The following SLC2A13 variants were observed in gnomAD, a reference collection of about 807,000 sequenced individuals.
SLC2A13 encodes proton myo-inositol cotransporter.
SLC2A13 carries 32 observed loss-of-function variants against 64.4 expected under a neutral mutation model. The observed-to-expected ratio is 0.50, with a 90% confidence interval of 0.37 to 0.67. The LOEUF is 0.67. SLC2A13 is among the 30% of genes least tolerant of loss of function. SLC2A13 has a pLI of 0.00. For synonymous variants in SLC2A13, 338 were observed against 327.1 expected (o/e 1.03, Z -0.36); for missense variants, 743 against 829.2 (o/e 0.90, Z 1.28).
chr12:39,894,811 C>T (rs1944698796), intron 4 of SLC2A13, among the ~76,000 whole-genome samples: 1 of 149,994 alleles, frequency 6.7e-6, no homozygotes, highest in African/African-American at 2.5e-5. Context: ...CAGGGAGATG[C>T]AAGAAAGATA....
At chr12:39,974,036 C>G (rs1946718804) in intron 3 of SLC2A13, among the ~76,000 whole-genome samples, 1 of 152,218 alleles carries the variant, frequency 6.6e-6, no homozygotes, top group South Asian at 2.1e-4. Context: ...TGTAAGAGTT[C>G]TACCCTACCA....
chr12:39,952,131 C>A (rs566182272), intron 3 of SLC2A13, among the ~76,000 whole-genome samples: 11 of 152,240 alleles, frequency 7.2e-5, no homozygotes, highest in African/African-American at 2.6e-4. Flanking sequence ...TAAATCTGAA[C>A]CACTGAGTCC....
intron 7 of SLC2A13, among the ~76,000 whole-genome samples, chr12:39,767,672 C>T (rs1396763609): frequency 1.3e-5 from 2 of 152,070 alleles, no homozygotes; most frequent in Non-Finnish European, 2.9e-5. Flanking sequence ...GCTGTGTCTT[C>T]ACCCAAATCT....
chr12:39,966,951 GC>G (rs1946528716), intron 3 of SLC2A13, among the ~76,000 whole-genome samples: 1 of 152,034 alleles, frequency 6.6e-6, no homozygotes, highest in Non-Finnish European at 1.5e-5. Flanking sequence ...GATAAATATG[GC>G]TCTCTAGGGA....
intron 3 of SLC2A13, among the ~76,000 whole-genome samples, chr12:40,006,142 A>T (rs1591999565): frequency 1.3e-5 from 2 of 152,352 alleles, no homozygotes; most frequent in East Asian, 3.8e-4. Flanking sequence ...GCAAAATACA[A>T]AATTGAAATT....
At chr12:39,918,843 CT>C (rs1238915875) in intron 4 of SLC2A13, among the ~76,000 whole-genome samples, 1 of 112,258 alleles carries the variant, frequency 8.9e-6, no homozygotes, top group Non-Finnish European at 1.8e-5. Flanking sequence ...CAGAGTGAGA[CT>C]CTGTCTCAAA....
chr12:40,067,955 GCA>G (rs1422286101), intron 1 of SLC2A13, among the ~76,000 whole-genome samples: 1 of 152,070 alleles, frequency 6.6e-6, no homozygotes, highest in Admixed American at 6.6e-5. Context: ...CGAGGCTGGT[GCA>G]CACTGATGCA....
At chr12:39,766,036 A>G (rs1566761763) in intron 7 of SLC2A13, among the ~76,000 whole-genome samples, 3 of 152,018 alleles carry the variant, frequency 2.0e-5, no homozygotes, top group Non-Finnish European at 2.9e-5. Flanking sequence ...TTAATCTCCA[A>G]CACTACAGAG....
intron 1 of SLC2A13, among the ~76,000 whole-genome samples, chr12:40,101,847 C>T (rs1408534144): frequency 1.3e-5 from 2 of 151,570 alleles, no homozygotes; most frequent in African/African-American, 4.9e-5. Flanking sequence ...TTAATCCTGT[C>T]TCTGTAATCA....
chr12:39,766,041 A>G lies in SLC2A13; in HGVS notation c.1446-1183T>C, dbSNP rs574079075. 3.3e-5 allele frequency among the ~76,000 whole-genome samples: 5 copies of G among 152,178 alleles called. No individual in the cohort carries two copies. The East Asian group carries it at 9.7e-4, about 30-fold the overall frequency. On this transcript the variant is annotated intron_variant, in intron 7 of 9. Transcript: ENST00000280871. ...AGTTCCTTATTTAATCTCCAACACT[A>G]CAGAGACAGCACTTTATAGTTTCCT...
At chr12:39,925,827 A>G (rs1945718723) in intron 4 of SLC2A13, among the ~76,000 whole-genome samples, 1 of 152,294 alleles carries the variant, frequency 6.6e-6, no homozygotes, top group Admixed American at 6.5e-5. Context: ...TTTTCAGCAA[A>G]TCCAATTAAT....
intron 3 of SLC2A13, among the ~76,000 whole-genome samples, chr12:39,966,428 C>T (rs1235959556): frequency 6.6e-6 from 1 of 151,996 alleles, no homozygotes; most frequent in Non-Finnish European, 1.5e-5. Flanking sequence ...CAGACACATG[C>T]CCACAAAGCT....
At chr12:39,850,700 A>T (rs1943443857) in intron 6 of SLC2A13, among the ~76,000 whole-genome samples, 1 of 152,210 alleles carries the variant, frequency 6.6e-6, no homozygotes, top group African/African-American at 2.4e-5. Context: ...ATGAATAAGG[A>T]TGATAATATA....
rs1939297106 is a variant in SLC2A13 at position 40,105,968 on chromosome 12, G to A, written c.-160C>T. ...CACGGCAGCAGCCGCCGCCACGGCC[G>A]CTCCGGGGAGAAAGTTGCTGCCCGC... On this transcript the variant is annotated 5_prime_UTR_variant, in exon 1 of 10. Coordinates refer to ENST00000280871, the MANE Select transcript of SLC2A13 (RefSeq NM_052885.4). This position sits in a 1 kb window ranked among gnomAD's most constrained non-coding sequence, Gnocchi z 4.2. The A allele has an allele frequency of 6.8e-6, 6 of 886,438 alleles. No individual in the cohort carries two copies. The South Asian group carries it at 9.8e-5, about 15-fold the overall frequency. 54.9% of individuals were successfully genotyped at this position (886,438 alleles called of 1,614,324 possible).
intron 4 of SLC2A13, among the ~76,000 whole-genome samples, chr12:39,945,928 G>A (rs530401412): frequency 6.6e-6 from 1 of 151,812 alleles, no homozygotes; most frequent in African/African-American, 2.4e-5. Context: ...GTGTTGAAGA[G>A]CCTTGTTTTG....
intron 3 of SLC2A13, among the ~76,000 whole-genome samples, chr12:40,018,862 C>A (rs1947663402): frequency 6.6e-6 from 1 of 152,130 alleles, no homozygotes; most frequent in Admixed American, 6.6e-5. Context: ...AGTCAGAAGG[C>A]ACTTAGTAAT....
intron 1 of SLC2A13, among the ~76,000 whole-genome samples, chr12:40,081,396 T>C (rs1565619217): frequency 6.6e-6 from 1 of 152,228 alleles, no homozygotes; most frequent in East Asian, 1.9e-4. Context: ...TGTTCATTTT[T>C]ATTTTTTTTA....
intron 4 of SLC2A13, among the ~76,000 whole-genome samples, chr12:39,921,218 C>T (rs957938035): frequency 1.3e-5 from 2 of 152,100 alleles, no homozygotes; most frequent in South Asian, 4.2e-4. Flanking sequence ...CTGGTGTTTG[C>T]TTTGGGAGAT....
intron 3 of SLC2A13, among the ~76,000 whole-genome samples, chr12:40,013,650 T>C (rs1009487704): frequency 6.6e-6 from 1 of 152,240 alleles, no homozygotes; most frequent in African/African-American, 2.4e-5. Context: ...GGTAAGCCAC[T>C]CAGACACTAT....
Sources: allele counts gnomAD v4.1 joint callset (sites outside exome capture counted in the v4.1 genomes callset), GRCh38; gene constraint gnomAD v4.1.1; non-coding constraint Gnocchi (gnomAD v3.1); transcripts MANE v1.5; gene names NCBI Gene and HGNC (gene_info 2026-07-23, HGNC 2026-07-21).